CDK8: variants seen among roughly 807,000 people sequenced by gnomAD.
CDK8 encodes the protein cyclin-dependent kinase 8.
Under a neutral mutation model 71.5 loss-of-function variants are expected in CDK8, and 29 were observed. The observed-to-expected ratio is 0.41, with a 90% CI of 0.30 to 0.55. The LOEUF (loss-of-function observed/expected upper bound fraction) is 0.55. Ranked by LOEUF, CDK8 falls within the 20% of genes least tolerant of loss-of-function variation. The pLI is 0.37. For missense variants in CDK8, 288 were observed against 572.6 expected (o/e 0.50, Z 5.07); for synonymous variants, 161 against 192.1 (o/e 0.84, Z 1.34).
At chr13:26,304,138 G>A (rs900419236) in intron 1 of CDK8, among the ~76,000 whole-genome samples, 4 of 150,632 alleles carry the variant, frequency 2.7e-5, no homozygotes, top group African/African-American at 9.8e-5. Flanking sequence ...GGTGGTAGGC[G>A]CCTGTAATTC....
chr13:26,300,213 T>G (rs939332718), intron 1 of CDK8, among the ~76,000 whole-genome samples: 20 of 152,168 alleles, frequency 1.3e-4, no homozygotes, highest in Admixed American at 6.5e-4. Flanking sequence ...GAGATACCTT[T>G]CAAGACCCCC....
chr13:26,313,816 C>T (rs755979178), intron 1 of CDK8, among the ~76,000 whole-genome samples: 1 of 152,066 alleles, frequency 6.6e-6, no homozygotes. Context: ...ACTCCTTTAA[C>T]TCAGAAAGGA....
intron 7 of CDK8, 38 bp downstream of exon 7, chr13:26,393,548 C>G (rs766303862): frequency 5.0e-6 from 8 of 1,603,554 alleles, no homozygotes; most frequent in Non-Finnish European, 6.0e-6. Context: ...TTTTAAATCA[C>G]TGTTGTTTGA....
At chr13:26,260,174 T>C (rs550405269) in intron 1 of CDK8, among the ~76,000 whole-genome samples, 1 of 152,300 alleles carries the variant, frequency 6.6e-6, no homozygotes, top group South Asian at 2.1e-4. Context: ...TCTTTTCCCC[T>C]TGTTTTCCCT....
At chr13:26,260,044 G>A (rs1871704201) in intron 1 of CDK8, among the ~76,000 whole-genome samples, 1 of 152,070 alleles carries the variant, frequency 6.6e-6, no homozygotes, top group African/African-American at 2.4e-5. Context: ...TAGAAGACAG[G>A]GAAGGTCTCA....
rs371660910 is a variant in CDK8, at chr13:26,303,937, A to G, written c.129-33630A>G. Reference sequence around the variant, plus strand: ...GTTGGTTTGATGTTTGCCATGGTGTACTATTTCCCCTCCTTTTACTTTAAC... The same window carrying G: ...GTTGGTTTGATGTTTGCCATGGTGTGCTATTTCCCCTCCTTTTACTTTAAC... On this transcript the variant is annotated intron_variant, in intron 1 of 12. Coordinates refer to ENST00000381527, the MANE Select transcript of CDK8 (RefSeq NM_001260.3). Among the ~76,000 whole-genome samples, 52 of 152,234 alleles carry G rather than the reference A, an allele frequency of 3.4e-4. 1 individual carries two copies. The South Asian group carries it at 8.7e-3, about 26-fold the overall frequency.
chr13:26,260,628 G>A (rs2137852417), intron 1 of CDK8, among the ~76,000 whole-genome samples: 1 of 152,314 alleles, frequency 6.6e-6, no homozygotes, highest in South Asian at 2.1e-4. Context: ...GGGCTCTGAT[G>A]TGTGGAAAGA....
chr13:26,378,601 T>A (rs1174957156), intron 4 of CDK8, among the ~76,000 whole-genome samples: 1 of 152,212 alleles, frequency 6.6e-6, no homozygotes, highest in Non-Finnish European at 1.5e-5. Context: ...GATGTTGCCA[T>A]GATATTATAA....
Position 26,293,351 on chromosome 13 carries a change from G to A in CDK8, c.128+38582G>A, listed in dbSNP as rs1003917946. Among the ~76,000 whole-genome samples the A allele has an allele frequency of 5.9e-5, 9 of 151,948 alleles. No individual in the cohort carries two copies. In the South Asian group the frequency reaches 6.2e-4, roughly 11 times the overall value. Reference sequence around the variant, plus strand: ...GGCATGGTGGCTCACGCCTGTAATCGGAGCACTTTGGGCGGCCAAGGCGGG... The same window carrying A: ...GGCATGGTGGCTCACGCCTGTAATCAGAGCACTTTGGGCGGCCAAGGCGGG... On this transcript the variant is annotated intron_variant, in intron 1 of 12. Transcript: ENST00000381527.
chr13:26,307,724 A>G (rs1874106749), intron 1 of CDK8, among the ~76,000 whole-genome samples: 1 of 152,178 alleles, frequency 6.6e-6, no homozygotes, highest in South Asian at 2.1e-4. Flanking sequence ...TATATTTTGT[A>G]TGAATGCCTT....
intron 1 of CDK8, among the ~76,000 whole-genome samples, chr13:26,276,651 A>G (rs978600609): frequency 2.6e-5 from 4 of 152,172 alleles, no homozygotes; most frequent in Non-Finnish European, 5.9e-5. Context: ...TTTAAGAAGA[A>G]TTTAAGATGC....
At chr13:26,374,124 C>T (rs1005128830) in intron 4 of CDK8, among the ~76,000 whole-genome samples, 18 of 151,654 alleles carry the variant, frequency 1.2e-4, no homozygotes, top group Non-Finnish European at 2.6e-4. Flanking sequence ...TGGCGTGAAC[C>T]TGGGAGGCGG....
chr13:26,295,714 G>C (rs1367890961), intron 1 of CDK8, among the ~76,000 whole-genome samples: 2 of 152,162 alleles, frequency 1.3e-5, no homozygotes, highest in East Asian at 3.9e-4. Context: ...TTAAGTTGAA[G>C]AGTAAAACCA....
At chr13:26,348,427 A>T (rs529444597) in intron 2 of CDK8, among the ~76,000 whole-genome samples, 1 of 152,268 alleles carries the variant, frequency 6.6e-6, no homozygotes, top group East Asian at 1.9e-4. Context: ...TTAGATTCTC[A>T]TAGGAGCTTG....
intron 9 of CDK8, 104 bp downstream of exon 9, chr13:26,397,329 C>T (rs755904930): frequency 1.5e-6 from 1 of 670,592 alleles, no homozygotes. Context: ...AGCTAGCACT[C>T]AGAGTGCTTT....
At chr13:26,272,589 A>C (rs1281757620) in intron 1 of CDK8, among the ~76,000 whole-genome samples, 2 of 152,192 alleles carry the variant, frequency 1.3e-5, no homozygotes, top group Non-Finnish European at 2.9e-5. Flanking sequence ...CTTTTTATTG[A>C]CCTCTTGGGG....
At position 26,254,885 on chromosome 13, in the gene CDK8, C is replaced by T. The variant is rs1871448862; in HGVS notation, c.128+116C>T. ...TGCCGGGCTCTGACTTCCTCGACGCCGGCCTCTGGCTCCGCCAGCCAGGTT... is the reference window on the plus strand; with the variant it reads ...TGCCGGGCTCTGACTTCCTCGACGCTGGCCTCTGGCTCCGCCAGCCAGGTT... On this transcript the variant is annotated intron_variant, in intron 1 of 12. Transcript: ENST00000381527. The surrounding 1 kb of genome is among the most constrained non-coding windows in gnomAD (Gnocchi z 6.7). 1 of 1,412,064 alleles carries T rather than the reference C, an allele frequency of 7.1e-7. No homozygotes were observed. Among genetic ancestry groups the T allele is most frequent in the Admixed American group, 2.3e-5 (1 of 43,448 alleles). 87.5% of individuals were successfully genotyped at this position (1,412,064 alleles called of 1,614,324 possible). A position where few individuals can be genotyped will look rare whatever the true frequency, so the allele number is the denominator to read the frequency against.
chr13:26,254,399 T>C lies in CDK8; in HGVS notation c.-243T>C. On this transcript the variant is annotated 5_prime_UTR_variant, in exon 1 of 13. Transcript: ENST00000381527. The surrounding 1 kb of genome is among the most constrained non-coding windows in gnomAD (Gnocchi z 6.7). The stretch of plus-strand genomic sequence containing the variant: ...CCCAGCCCTCGTCCCTCGGCTCTCC[T>C]TCGCCGGGGGATCCTCCCCGTTCCT... 2.7e-6 allele frequency: 1 copy of C among 372,132 alleles called. No individual in the cohort carries two copies. Among genetic ancestry groups the C allele is most frequent in the East Asian group, 5.0e-5 (1 of 19,944 alleles). 23.1% of individuals were successfully genotyped at this position (372,132 alleles called of 1,614,324 possible). A position where few individuals can be genotyped will look rare whatever the true frequency, so the allele number is the denominator to read the frequency against.
chr13:26,383,972 A>G (rs1875353566), intron 5 of CDK8, among the ~76,000 whole-genome samples: 1 of 152,188 alleles, frequency 6.6e-6, no homozygotes, highest in Admixed American at 6.5e-5. Flanking sequence ...TTTTTGCGGC[A>G]TCAAATTCAA....
Sources: gnomAD v4.1 joint callset for allele counts (sites outside exome capture counted in the v4.1 genomes callset) on GRCh38, gnomAD v4.1.1 for gene constraint, Gnocchi (gnomAD v3.1) non-coding constraint, MANE v1.5 for transcripts, NCBI Gene and HGNC (gene_info 2026-07-23, HGNC 2026-07-21) for gene names.